STIM1: variants seen among roughly 807,000 people sequenced by gnomAD.
The protein encoded by STIM1 is stromal interaction molecule 1.
Under a neutral mutation model 74.7 loss-of-function variants are expected in STIM1, and 25 were observed. That is an observed-to-expected ratio of 0.33 (90% CI 0.24 to 0.47). The LOEUF is 0.47. STIM1 is among the 20% of genes least tolerant of loss of function. The pLI is 1.00. For synonymous variants in STIM1, 328 were observed against 348.8 expected, an observed-to-expected ratio of 0.94 and a Z score of 0.66; for missense variants, 728 against 920.8, an observed-to-expected ratio of 0.79 and a Z score of 2.71.
intron 8 of STIM1, 28 bp downstream of exon 8, chr11:4,082,379 TTTCTCCTTTTTGCCC>T: frequency 6.3e-7 from 1 of 1,584,924 alleles, no homozygotes; most frequent in Non-Finnish European, 8.6e-7. Flanking sequence ...ATTGTCCTCT[TTTCTCCTTTTTGCCC>T]TTCTCCTTTT....
intron 4 of STIM1, chr11:4,058,965 G>A: frequency 8.5e-7 from 1 of 1,171,294 alleles, no homozygotes; most frequent in East Asian, 5.5e-5. Flanking sequence ...AATATGTAGA[G>A]GATAAACCCT....
intron 2 of STIM1, among the ~76,000 whole-genome samples, chr11:4,005,428 T>C (rs1029128326): frequency 6.6e-6 from 1 of 152,046 alleles, no homozygotes; most frequent in African/African-American, 2.4e-5. Flanking sequence ...ATCTCCTTTG[T>C]AGGGACATGG....
At chr11:4,010,197 G>A (rs2093822484) in intron 2 of STIM1, among the ~76,000 whole-genome samples, 1 of 146,396 alleles carries the variant, frequency 6.8e-6, no homozygotes. Context: ...TTGAGACAGA[G>A]TCTGGCCTTG....
intron 3 of STIM1, among the ~76,000 whole-genome samples, chr11:4,035,334 T>G (rs977628897): frequency 6.6e-6 from 1 of 151,150 alleles, no homozygotes. Context: ...ATACCTAGAG[T>G]GAAGACACAA....
chr11:4,002,576 A>G (rs374871622), intron 2 of STIM1, among the ~76,000 whole-genome samples: 3 of 148,220 alleles, frequency 2.0e-5, no homozygotes, highest in Admixed American at 6.8e-5. Context: ...TCTCTGGGAC[A>G]CATTCAAAGC....
chr11:4,075,823 G>A (rs867502581), intron 7 of STIM1, among the ~76,000 whole-genome samples: 4 of 152,100 alleles, frequency 2.6e-5, no homozygotes, highest in African/African-American at 7.2e-5. Flanking sequence ...CCACAACAAT[G>A]TAAGAGAATT....
At chr11:4,086,646 G>A (rs569668284) in intron 12 of STIM1, 103 bp downstream of exon 12, 40 of 1,562,272 alleles carry the variant, frequency 2.6e-5, no homozygotes, top group East Asian at 4.8e-5. Flanking sequence ...AAGGCTACGG[G>A]ACCAGCTCTC....
intron 1 of STIM1, among the ~76,000 whole-genome samples, chr11:3,922,226 CACT>C (rs2092726382): frequency 6.6e-6 from 1 of 151,918 alleles, no homozygotes; most frequent in African/African-American, 2.4e-5. Flanking sequence ...GTGCTAACAC[CACT>C]GTTATCACAT....
At chr11:3,994,755 T>C (rs2093648344) in intron 2 of STIM1, among the ~76,000 whole-genome samples, 1 of 152,138 alleles carries the variant, frequency 6.6e-6, no homozygotes, top group Non-Finnish European at 1.5e-5. Flanking sequence ...TTTCTTTATC[T>C]TCCCCTTCTG....
chr11:4,062,953 C>G (rs1010085356), intron 5 of STIM1, among the ~76,000 whole-genome samples: 14 of 152,102 alleles, frequency 9.2e-5, no homozygotes, highest in African/African-American at 2.7e-4. Context: ...CTGATATATG[C>G]TACAATGCGG....
intron 1 of STIM1, among the ~76,000 whole-genome samples, chr11:3,884,935 T>C (rs1046088081): frequency 6.6e-6 from 1 of 152,174 alleles, no homozygotes; most frequent in East Asian, 1.9e-4. Flanking sequence ...ACATGAAATG[T>C]CCAGAATAGG....
At chr11:4,004,366 TGGTACTG>T (rs1431171595) in intron 2 of STIM1, among the ~76,000 whole-genome samples, 8 of 151,684 alleles carry the variant, frequency 5.3e-5, no homozygotes, top group Non-Finnish European at 1.2e-4. Context: ...CAAAACAGCA[TGGTACTG>T]GTACCAAAAC....
At chr11:3,893,778 T>TC (rs1478950520) in intron 1 of STIM1, among the ~76,000 whole-genome samples, 1 of 152,082 alleles carries the variant, frequency 6.6e-6, no homozygotes, top group Admixed American at 6.6e-5. Context: ...TGCCTCAGCC[T>TC]CCCAAGTAGC....
At chr11:4,014,010 T>A (rs1354766200) in intron 2 of STIM1, among the ~76,000 whole-genome samples, 1 of 152,098 alleles carries the variant, frequency 6.6e-6, no homozygotes, top group Non-Finnish European at 1.5e-5. Flanking sequence ...CCTGGCTGAT[T>A]CATTGATTTT....
chr11:3,860,988 G>A (rs1381853409), intron 1 of STIM1, among the ~76,000 whole-genome samples: 1 of 152,120 alleles, frequency 6.6e-6, no homozygotes, highest in South Asian at 2.1e-4. Flanking sequence ...GATCTGTGTG[G>A]GCTGGGCTAG....
intron 3 of STIM1, among the ~76,000 whole-genome samples, chr11:4,027,916 T>C (rs1295029287): frequency 3.3e-5 from 5 of 152,178 alleles, no homozygotes; most frequent in Admixed American, 1.3e-4. Flanking sequence ...ATTTGAGCCA[T>C]TGGAAACAAT....
intron 5 of STIM1, among the ~76,000 whole-genome samples, chr11:4,060,864 A>G (rs1012162606): frequency 3.9e-5 from 6 of 152,210 alleles, no homozygotes; most frequent in African/African-American, 1.2e-4. Flanking sequence ...GGAGTTTCCT[A>G]TTGGAGTCCA....
chr11:3,912,654 C>T (rs1416244218), intron 1 of STIM1, among the ~76,000 whole-genome samples: 1 of 152,152 alleles, frequency 6.6e-6, no homozygotes. Flanking sequence ...GTGTGAGCCA[C>T]CGTGTGCAGC....
intron 11 of STIM1, among the ~76,000 whole-genome samples, chr11:4,085,147 C>T (rs560776108): frequency 6.6e-6 from 1 of 151,354 alleles, no homozygotes; most frequent in African/African-American, 2.4e-5. Context: ...CCTTCCCCCC[C>T]CTATTCCAGA....
Sources: allele counts gnomAD v4.1 joint callset (sites outside exome capture counted in the v4.1 genomes callset), GRCh38; gene constraint gnomAD v4.1.1; transcripts MANE v1.5; gene names NCBI Gene and HGNC (gene_info 2026-07-23, HGNC 2026-07-21).